Variants in LRRK1 observed in about 807,000 individuals in gnomAD.
LRRK1 encodes leucine rich repeat kinase 1, also known as leucine-rich repeat serine/threonine-protein kinase 1.
In LRRK1, 113 loss-of-function variants were observed where a neutral mutation model predicts 209.1. The observed-to-expected ratio is 0.54, with a 90% CI of 0.46 to 0.63. The LOEUF is 0.63. LRRK1 is among the 30% of genes least tolerant of loss of function. LRRK1 has a pLI of 0.00. For missense variants in LRRK1, 2,284 were observed against 2,632.2 expected (o/e 0.87, Z 2.89); for synonymous variants, 1,144 against 1,099.7 (o/e 1.04, Z -0.80).
chr15:101,008,999 C>T lies in LRRK1; in HGVS notation c.925C>T (p.Leu309Phe). ...WGLINLRKLN[L>F]SDNHLGELPG... ...CCTCATCAATCTCCGGAAGCTGAAC[C>T]TCTCCGACAACCACCTGGGGGAGCT... is the stretch of plus-strand genomic sequence containing the variant. The change falls in exon 7 of 34, where the codon CTC (leucine) becomes TTC (phenylalanine). Residue 309 changes from leucine to phenylalanine, a missense_variant. Transcript: ENST00000388948. 1.2e-6 allele frequency: 2 copies of T among 1,614,228 alleles called. No homozygotes were observed. The highest frequency in any genetic ancestry group is 1.7e-6 in the Non-Finnish European group (2 of 1,180,044).
rs11629644 is a variant in LRRK1 at position 100,951,066 on chromosome 15, G to T, written c.98-22738G>T. 4.7e-3 allele frequency among the ~76,000 whole-genome samples: 709 copies of T among 152,320 alleles called. 3 individuals carry two copies. Among genetic ancestry groups the T allele is most frequent in the Non-Finnish European group, 7.7e-3 (521 of 68,022 alleles). ...TGCAGGGAGCAGAGGTTGCGCCACC[G>T]CACTCCAGCCTGGGCTACAGAGTGA... On this transcript the variant is annotated intron_variant, in intron 2 of 33. Coordinates refer to ENST00000388948, the MANE Select transcript of LRRK1 (RefSeq NM_024652.6).
chr15:101,011,948 G>A (rs2141695702), intron 9 of LRRK1, 60 bp from the exon 10 acceptor site: 2 of 1,222,788 alleles, frequency 1.6e-6, no homozygotes, highest in Non-Finnish European at 2.3e-6. Context: ...CAGTCTCAAA[G>A]GCACCACTGC....
intron 2 of LRRK1, among the ~76,000 whole-genome samples, chr15:100,930,445 C>G (rs1458399290): frequency 6.6e-6 from 1 of 152,192 alleles, no homozygotes; most frequent in Non-Finnish European, 1.5e-5. Context: ...CAGGAGCACC[C>G]CCACTGATCC....
chr15:101,043,952 T>C (rs1232740544), intron 20 of LRRK1: 4 of 152,190 alleles, frequency 2.6e-5, no homozygotes, highest in African/African-American at 7.2e-5. Context: ...CATCCAGTAT[T>C]GACAGTCCAG....
In LRRK1 at chr15:101,065,372, G is replaced by A. The variant is rs150351638; in HGVS notation, c.4935G>A (p.Ala1645=). Reference sequence around the variant, plus strand: ...TTCAGAATTCCTACCTGGTCTTAGCGGGCCTCGCCGATGGGCTTGTGGCTG... The same window carrying A: ...TTCAGAATTCCTACCTGGTCTTAGCAGGCCTCGCCGATGGGCTTGTGGCTG... ...VIKKNSYLVL[A]GLADGLVAVF... Residue 1645 remains alanine, a synonymous_variant, in exon 32 of 34, where the codon GCG becomes GCA. Transcript: ENST00000388948. The A allele has an allele frequency of 3.2e-5, 52 of 1,613,784 alleles. No individual in the cohort carries two copies. The South Asian group carries it at 3.4e-4, about 11-fold the overall frequency.
intron 1 of LRRK1, among the ~76,000 whole-genome samples, chr15:100,922,607 A>C (rs1207632737): frequency 6.6e-6 from 1 of 152,134 alleles, no homozygotes; most frequent in African/African-American, 2.4e-5. Context: ...TCTGGATGTG[A>C]ATGTGTGATC....
rs1415877583 is a variant in LRRK1, at chr15:101,022,578, C to T, written c.2048C>T (p.Pro683Leu). The change falls in exon 15 of 34, where the codon CCG becomes CTG. Residue 683 changes from proline to leucine, a missense_variant. By Grantham distance (98) the Pro-to-Leu change is moderately conservative (BLOSUM62 -3). Around this residue, in one of 6 missense-constraint regions of LRRK1, gnomAD observed 780 missense variants for 985.2 expected, o/e 0.79. Transcript: ENST00000388948. The surrounding 1 kb of genome is among the most constrained non-coding windows in gnomAD (Gnocchi z 4.0). ...ACCACCAAGTGGGAGCTCCAGAGGC[C>T]GGCTGGCTCGAGAGCCAAGGTCAAG... Reference protein sequence around the residue: ...IRTTKWELQRPAGSRAKVESV... With the variant: ...IRTTKWELQRLAGSRAKVESV... The T allele has an allele frequency of 2.5e-6, 4 of 1,612,100 alleles. No homozygotes were observed. Among genetic ancestry groups the T allele is most frequent in the Middle Eastern group, 1.7e-4 (1 of 6,034 alleles).
chr15:100,984,135 A>G (rs755597274), intron 4 of LRRK1, among the ~76,000 whole-genome samples: 1 of 152,162 alleles, frequency 6.6e-6, no homozygotes, highest in Non-Finnish European at 1.5e-5. Flanking sequence ...TTCTATTGAG[A>G]TGGGGACGCA....
At chr15:101,061,097 GGC>G in intron 29 of LRRK1, 72 bp from the exon 30 acceptor site, 6 of 1,132,282 alleles carry the variant, frequency 5.3e-6, no homozygotes, top group African/African-American at 1.5e-5. Context: ...GCTCGCAGCT[GGC>G]AGGCCAGGCT....
Position 101,071,193 on chromosome 15 carries a change from T to A in LRRK1, c.*2345T>A, listed in dbSNP as rs1250364884. 6.6e-6 allele frequency: 1 copy of A among 152,350 alleles called. No homozygotes were observed. The highest frequency in any genetic ancestry group is 2.4e-5 in the African/African-American group (1 of 41,436). The allele number at this position is 152,350 out of a possible 1,614,324, so 9.4% of individuals were successfully genotyped here. On this transcript the variant is annotated 3_prime_UTR_variant, in exon 34 of 34. Transcript: ENST00000388948. ...CTGGCGGGTGTAGAAGAGCTCATGC[T>A]TCAGTGAGGGGGTGGGGGGCACCCT...
Position 101,028,917 on chromosome 15 carries a change from T to C in LRRK1, c.2687-39T>C, listed in dbSNP as rs753767926. ...CACCCCAGAGTCCCTTTCGCTCCTT[T>C]GTCTAACTGCTGCTTCCTCCTCTCC... is the stretch of plus-strand genomic sequence containing the variant. On this transcript the variant is annotated intron_variant, in intron 19 of 33. Transcript: ENST00000388948. 35 of 1,603,918 alleles carry C rather than the reference T, an allele frequency of 2.2e-5. No homozygotes were observed. The South Asian group carries it at 3.9e-4, about 18-fold the overall frequency.
At chr15:100,990,454 T>G (rs2032104109) in intron 6 of LRRK1, among the ~76,000 whole-genome samples, 1 of 152,150 alleles carries the variant, frequency 6.6e-6, no homozygotes, top group South Asian at 2.1e-4. Flanking sequence ...CTCTGGTGAT[T>G]CACATTTTCA....
At chr15:100,962,755 CAAAT>C (rs2030082948) in intron 2 of LRRK1, among the ~76,000 whole-genome samples, 2 of 136,388 alleles carry the variant, frequency 1.5e-5, no homozygotes, top group African/African-American at 5.5e-5. Flanking sequence ...ATTTTAATCA[CAAAT>C]AATCAGAGAA....
Position 101,076,185 on chromosome 15 carries a change from G to GCA in LRRK1, c.*7337_*7338insCA. On this transcript the variant is annotated 3_prime_UTR_variant, in exon 34 of 34. Transcript: ENST00000388948. ...GTTTTAGCCTAGCCCTCATGTCTCT[G>GCA]TGCAGCGGCTGCTGCCACCCTAATA... 5.3e-5 allele frequency: 8 copies of GCA among 152,210 alleles called. No homozygotes were observed. In the East Asian group the frequency reaches 1.5e-3, roughly 29 times the overall value. The allele number at this position is 152,210 out of a possible 1,614,324, so 9.4% of individuals were successfully genotyped here.
rs966763294 is a variant in LRRK1 at position 101,021,687 on chromosome 15, A to G, written c.1740-158A>G. The G allele has an allele frequency of 6.8e-6, 4 of 587,656 alleles. No individual in the cohort carries two copies. The African/African-American group carries it at 7.6e-5, about 11-fold the overall frequency. The allele number at this position is 587,656 out of a possible 1,614,324, so 36.4% of individuals were successfully genotyped here. ...GTTTCTATCACTGATCCTCCAGGAG[A>G]AAGCCTTTGGAATTAGTGTTGAAAT... On this transcript the variant is annotated intron_variant, in intron 13 of 33. Transcript: ENST00000388948.
Position 100,922,853 on chromosome 15 carries a change from C to A in LRRK1, c.-122-1658C>A, listed in dbSNP as rs57870418. 8.7e-3 allele frequency among the ~76,000 whole-genome samples: 1,319 copies of A among 152,292 alleles called. 15 individuals are homozygous for A. Among genetic ancestry groups the A allele is most frequent in the African/African-American group, 0.03 (1,237 of 41,536 alleles). On this transcript the variant is annotated intron_variant, in intron 1 of 33. Coordinates refer to ENST00000388948, the MANE Select transcript of LRRK1 (RefSeq NM_024652.6). ...CCTTTTGCCTCTGAAACATGTGCAG[C>A]TTGCACAAGGCTGCTGGAGCCTGGC... is the stretch of plus-strand genomic sequence containing the variant.
chr15:101,063,678 G>T (rs2036332166), intron 31 of LRRK1, among the ~76,000 whole-genome samples: 1 of 131,124 alleles, frequency 7.6e-6, no homozygotes, highest in South Asian at 2.5e-4. Context: ...TACAAAACAG[G>T]TATAAGAAGA....
chr15:101,031,648 G>A (rs1567248750), intron 20 of LRRK1, among the ~76,000 whole-genome samples: 1 of 152,186 alleles, frequency 6.6e-6, no homozygotes, highest in East Asian at 1.9e-4. Flanking sequence ...ATAATAGAGT[G>A]TAAGTTTAAT....
intron 20 of LRRK1, among the ~76,000 whole-genome samples, chr15:101,034,288 AGTT>A (rs1466956707): frequency 1.3e-5 from 2 of 151,974 alleles, no homozygotes; most frequent in Admixed American, 1.3e-4. Context: ...TTTTTGTTTT[AGTT>A]GTTTGTGTTT....
Sources: allele counts gnomAD v4.1 joint callset (sites outside exome capture counted in the v4.1 genomes callset), GRCh38; gene constraint gnomAD v4.1.1; regional missense constraint gnomAD v4.1.1; non-coding constraint Gnocchi (gnomAD v3.1); transcripts MANE v1.5; gene names NCBI Gene and HGNC (gene_info 2026-07-23, HGNC 2026-07-21).